ADGRV1: variants seen among roughly 807,000 people sequenced by gnomAD.
ADGRV1 encodes the protein G-protein coupled receptor 98.
A neutral mutation model predicts 596.2 loss-of-function variants in ADGRV1; 359 were observed. The ratio of observed to expected loss-of-function variants is 0.60; its 90% CI spans 0.55 to 0.66. The LOEUF is 0.66. Ranked by LOEUF, ADGRV1 falls within the 30% of genes least tolerant of loss-of-function variation. The pLI, the probability that ADGRV1 is intolerant of heterozygous loss-of-function variation, is 0.00. For synonymous variants in ADGRV1, 2,681 were observed against 2,679.2 expected (o/e 1.00, Z -0.02); for missense variants, 7,274 against 7,575.6 (o/e 0.96, Z 1.48).
At chr5:90,986,731 G>A (rs1434249417) in intron 85 of ADGRV1, among the ~76,000 whole-genome samples, 1 of 152,060 alleles carries the variant, frequency 6.6e-6, no homozygotes, top group East Asian at 1.9e-4. Context: ...AAAAAGGAAC[G>A]ATGGCATCTT....
Position 90,629,292 on chromosome 5 carries a change from G to T in ADGRV1, c.1592G>T (p.Ser531Ile). Reference sequence around the variant, plus strand: ...ATGGAAAACCAGAAGATTGAAAGCAGCCCAGGTGAACGATACTTATCCTTG... The same window carrying T: ...ATGGAAAACCAGAAGATTGAAAGCATCCCAGGTGAACGATACTTATCCTTG... ...FPMENQKIES[S>I]PGERYLSLSF... is the part of the protein sequence containing the mutation. Residue 531 changes from serine to isoleucine, a missense_variant, in exon 9 of 90, where the codon AGC becomes ATC. Ser to Ile is a moderately radical substitution (Grantham distance 142). This residue lies in a region of ADGRV1 where 1,715 missense variants were observed against 1,708.8 expected (regional missense o/e 1.00). Transcript: ENST00000405460. The T allele has an allele frequency of 6.2e-7, 1 of 1,613,360 alleles. No individual in the cohort carries two copies.
At chr5:90,890,223 A>G (rs568326308) in intron 83 of ADGRV1, among the ~76,000 whole-genome samples, 3 of 152,116 alleles carry the variant, frequency 2.0e-5, no homozygotes, top group Non-Finnish European at 4.4e-5. Flanking sequence ...TTTTCATACC[A>G]TGTTAGGTTT....
intron 21 of ADGRV1, among the ~76,000 whole-genome samples, chr5:90,666,866 A>G (rs555865432): frequency 3.3e-5 from 5 of 151,410 alleles, no homozygotes; most frequent in South Asian, 2.1e-4. Context: ...TCCTTCACTT[A>G]TGAAGCTTAG....
Position 90,810,857 on chromosome 5 carries a change from T to C in ADGRV1, c.15597T>C (p.Pro5199=), listed in dbSNP as rs367957504. The C allele has an allele frequency of 3.7e-6, 6 of 1,613,934 alleles. No homozygotes were observed. Among genetic ancestry groups the C allele is most frequent in the Non-Finnish European group, 5.1e-6 (6 of 1,179,900 alleles). ...AACTTGTCACCCTTCATGGCACACC[T>C]GCTGTGTCTGAAAAGCCTGATGTGG... The part of the protein sequence containing the change: ...PEKLVTLHGT[P]AVSEKPDVAT... The change falls in exon 74 of 90, where the codon CCT becomes CCC. Residue 5199 remains proline, a synonymous_variant. Transcript: ENST00000405460.
intron 1 of ADGRV1, among the ~76,000 whole-genome samples, chr5:90,559,705 A>G (rs1361973353): frequency 6.6e-6 from 1 of 152,186 alleles, no homozygotes; most frequent in Non-Finnish European, 1.5e-5. Context: ...TTAGAAACTG[A>G]TATCAAATTT....
At chr5:90,705,348 C>T (rs767816779) in intron 36 of ADGRV1, 52 bp from the exon 37 acceptor site, 23 of 1,460,888 alleles carry the variant, frequency 1.6e-5, no homozygotes, top group African/African-American at 1.5e-4. Flanking sequence ...ATGTTTCCAG[C>T]GATTAAAAGC....
At chr5:90,668,636 C>G (rs1036585002) in intron 21 of ADGRV1, among the ~76,000 whole-genome samples, 2 of 152,056 alleles carry the variant, frequency 1.3e-5, no homozygotes, top group South Asian at 2.1e-4. Context: ...GGCTCCTCCC[C>G]CTGGTAGTTT....
At chr5:91,134,416 G>T (rs1794465639) in intron 87 of ADGRV1, among the ~76,000 whole-genome samples, 1 of 151,992 alleles carries the variant, frequency 6.6e-6, no homozygotes, top group African/African-American at 2.4e-5. Context: ...CTCACTACAA[G>T]GCTGAAGTGA....
chr5:90,985,713 G>C (rs180926852), intron 85 of ADGRV1, among the ~76,000 whole-genome samples, 191 bp downstream of exon 85: 11 of 152,308 alleles, frequency 7.2e-5, no homozygotes, highest in Non-Finnish European at 1.5e-4. Flanking sequence ...GGTAGATGCA[G>C]TTTTCTCAAG....
At chr5:91,060,653 A>G (rs1307339428) in intron 85 of ADGRV1, among the ~76,000 whole-genome samples, 1 of 152,162 alleles carries the variant, frequency 6.6e-6, no homozygotes, top group Non-Finnish European at 1.5e-5. Flanking sequence ...TTAACCGATG[A>G]TTTCTTAATG....
intron 79 of ADGRV1, among the ~76,000 whole-genome samples, chr5:90,852,116 G>A (rs1766589310): frequency 6.6e-6 from 1 of 152,146 alleles, no homozygotes; most frequent in African/African-American, 2.4e-5. Context: ...TTCAATAGGA[G>A]ACATGGACAA....
rs565068072 is a variant in ADGRV1, at chr5:90,722,374, A to G, written c.9748+1315A>G. On this transcript the variant is annotated intron_variant, in intron 45 of 89. Transcript: ENST00000405460. ...ATAAATGTGGTTTAACACATTTTGA[A>G]TTTGAGTTACTTTTGAGAATAAATT... is the stretch of plus-strand genomic sequence containing the variant. Among the ~76,000 whole-genome samples the G allele has an allele frequency of 6.2e-5, 9 of 145,574 alleles. No homozygotes were observed. In the East Asian group the frequency reaches 1.7e-3, roughly 28 times the overall value.
At chr5:90,647,026 C>A (rs972799579) in intron 16 of ADGRV1, among the ~76,000 whole-genome samples, 12 of 152,080 alleles carry the variant, frequency 7.9e-5, no homozygotes, top group African/African-American at 2.2e-4. Context: ...CCCGCCTTGG[C>A]CTCCCAAAGT....
At chr5:91,107,790 T>C (rs1254764150) in intron 87 of ADGRV1, among the ~76,000 whole-genome samples, 1 of 152,162 alleles carries the variant, frequency 6.6e-6, no homozygotes, top group Non-Finnish European at 1.5e-5. Flanking sequence ...TAAATAAATA[T>C]AAGCCTTAGG....
In ADGRV1 at chr5:90,654,211, G is replaced by A. The variant is rs1347064745; in HGVS notation, c.4378+259G>A. The A allele has an allele frequency of 6.4e-6, 3 of 472,342 alleles. No individual in the cohort carries two copies. The East Asian group carries it at 1.2e-4, about 19-fold the overall frequency. The allele number at this position is 472,342 out of a possible 1,614,324, so 29.3% of individuals were successfully genotyped here. ...AGAGAGATGTGTGATATATCACAAT[G>A]ACACCCTGTAGGAAGACAGAAAAAA... On this transcript the variant is annotated intron_variant, in intron 20 of 89. Transcript: ENST00000405460.
intron 85 of ADGRV1, among the ~76,000 whole-genome samples, chr5:91,067,980 A>T (rs1562171680): frequency 2.0e-5 from 3 of 152,204 alleles, no homozygotes; most frequent in Non-Finnish European, 4.4e-5. Context: ...ATCAGGTCTT[A>T]TTGCATACAG....
At chr5:91,033,957 C>T (rs1219018773) in intron 85 of ADGRV1, among the ~76,000 whole-genome samples, 1 of 152,118 alleles carries the variant, frequency 6.6e-6, no homozygotes, top group Non-Finnish European at 1.5e-5. Context: ...TATTCAGAGA[C>T]ATTGTTCATT....
At chr5:90,894,838 T>C (rs1308992491) in intron 83 of ADGRV1, among the ~76,000 whole-genome samples, 1 of 152,246 alleles carries the variant, frequency 6.6e-6, no homozygotes, top group Non-Finnish European at 1.5e-5. Context: ...ATGTCTTGTT[T>C]CCTAAGTCTG....
At chr5:91,012,149 A>G (rs539839040) in intron 85 of ADGRV1, among the ~76,000 whole-genome samples, 6 of 151,928 alleles carry the variant, frequency 3.9e-5, no homozygotes, top group Admixed American at 1.3e-4. Flanking sequence ...ACCTTCCTCT[A>G]TTGCCAATTC....
Sources: gnomAD v4.1 joint callset for allele counts (sites outside exome capture counted in the v4.1 genomes callset) on GRCh38, gnomAD v4.1.1 for gene constraint, gnomAD v4.1.1 regional missense constraint, MANE v1.5 for transcripts, NCBI Gene and HGNC (gene_info 2026-07-23, HGNC 2026-07-21) for gene names.